The following BACH1 variants were observed in gnomAD, a reference collection of about 807,000 sequenced individuals.
BACH1 encodes the protein BTB domain and CNC homolog 1.
In BACH1, 35 loss-of-function variants were observed where a neutral mutation model predicts 52.9. The observed-to-expected ratio is 0.66, with a 90% CI of 0.51 to 0.88. The LOEUF (loss-of-function observed/expected upper bound fraction) is 0.88, where lower values mean the gene tolerates loss of function less well. Ranked by LOEUF, BACH1 falls within the 40% of genes least tolerant of loss-of-function variation. The probability of loss-of-function intolerance (pLI) is 0.00; values close to 1 mark genes in which losing one functional copy is unlikely to be tolerated. For synonymous variants in BACH1, 321 were observed against 319.6 expected (o/e 1.00, Z -0.05); for missense variants, 808 against 872.6 (o/e 0.93, Z 0.93).
intron 1 of BACH1, among the ~76,000 whole-genome samples, chr21:29,304,683 C>A (rs1249427279): frequency 6.6e-6 from 1 of 152,060 alleles, no homozygotes; most frequent in African/African-American, 2.4e-5. Context: ...GTTATCTCTT[C>A]TTTTTATTGA....
Position 29,321,238 on chromosome 21 carries a change from G to T in BACH1, c.-43G>T. On this transcript the variant is annotated 5_prime_UTR_variant, in exon 2 of 5. Transcript: ENST00000286800. ...GTTTGCAGGTTGATGATAATTAGAA[G>T]CATGCTTTCCACTGAACTTCCCGAC... 1 of 1,493,174 alleles carries T rather than the reference G, an allele frequency of 6.7e-7. No homozygotes were observed. The highest frequency in any genetic ancestry group is 9.3e-7 in the Non-Finnish European group (1 of 1,071,560). 92.5% of individuals were successfully genotyped at this position (1,493,174 alleles called of 1,614,324 possible).
intron 4 of BACH1, 63 bp downstream of exon 4, chr21:29,329,756 A>C (rs1039526227): frequency 1.6e-6 from 2 of 1,262,036 alleles, no homozygotes; most frequent in Non-Finnish European, 1.1e-6. Context: ...TCAAGGAAAT[A>C]GTTTTTAAAT....
At chr21:29,303,351 G>T (rs1421013808) in intron 1 of BACH1, among the ~76,000 whole-genome samples, 1 of 152,180 alleles carries the variant, frequency 6.6e-6, no homozygotes, top group Non-Finnish European at 1.5e-5. Context: ...GTGAGAATCT[G>T]TGTCTTTCTG....
intron 1 of BACH1, among the ~76,000 whole-genome samples, chr21:29,320,637 AC>A (rs1569012209): frequency 6.6e-6 from 1 of 152,212 alleles, no homozygotes; most frequent in Non-Finnish European, 1.5e-5. Context: ...CTGGCTTGAC[AC>A]ATTTCAGTCA....
chr21:29,347,945 T>C (rs563417826), downstream of BACH1, among the ~76,000 whole-genome samples: 1 of 152,266 alleles, frequency 6.6e-6, no homozygotes, highest in East Asian at 1.9e-4. Context: ...TATCCAAATT[T>C]GAATGGAAGT....
rs1348581134 is a variant in BACH1, at chr21:29,344,138, CAAATG to C, written c.*1309_*1313del. ...GCTGGGGTTAGATGTGTTTGAGAGT[CAAATG>C]AAAGCTATGGATCTTCTCAGCAATT... On this transcript the variant is annotated 3_prime_UTR_variant, in exon 5 of 5. Coordinates refer to ENST00000286800, the MANE Select transcript of BACH1 (RefSeq NM_001186.4). The C allele has an allele frequency of 1.3e-5, 2 of 152,268 alleles. No homozygotes were observed. The highest frequency in any genetic ancestry group is 4.8e-5 in the African/African-American group (2 of 41,558). 9.4% of individuals were successfully genotyped at this position (152,268 alleles called of 1,614,324 possible).
At position 29,356,740 on chromosome 21, in the gene BACH1, A is replaced by G. The variant is rs1315577643; in HGVS notation, c.472+27047A>G. ...TTGTTTACACTGACAACAAGGTGAT[A>G]TTGGAGTGTTACAGGGTTACAGAGA... On this transcript the variant is annotated intron_variant, in intron 2 of 4. Coordinates refer to the BACH1 transcript ENST00000422809. 3.9e-5 allele frequency among the ~76,000 whole-genome samples: 6 copies of G among 152,388 alleles called. No homozygotes were observed. The East Asian group carries it at 1.2e-3, about 29-fold the overall frequency.
At chr21:29,347,458 T>G (rs2089176253), downstream of BACH1, among the ~76,000 whole-genome samples, 1 of 152,214 alleles carries the variant, frequency 6.6e-6, no homozygotes, top group Non-Finnish European at 1.5e-5. Context: ...AAAGTGGAAG[T>G]ACAAAGGCCA....
In BACH1 at chr21:29,327,077, C is replaced by A; in HGVS notation, c.1253C>A (p.Pro418His). Residue 418 changes from proline to histidine, a missense_variant, in exon 3 of 5, where the codon CCT becomes CAT. Physicochemically the swap from Pro to His is moderately conservative, Grantham distance 77. Transcript: ENST00000286800. ...ACTCCTTGCCAAATGCAGTTATCAC[C>A]TGCTGTGGCCAAAGATGGCTCAGAA... ...TDTPCQMQLS[P>H]AVAKDGSEQI... The A allele has an allele frequency of 6.2e-7, 1 of 1,614,224 alleles. No homozygotes were observed. The highest frequency in any genetic ancestry group is 8.5e-7 in the Non-Finnish European group (1 of 1,180,042).
chr21:29,336,061 C>T (rs995016575), intron 4 of BACH1, among the ~76,000 whole-genome samples: 1 of 152,132 alleles, frequency 6.6e-6, no homozygotes, highest in African/African-American at 2.4e-5. Context: ...CTCTGATTTT[C>T]CCATCTTTCA....
Position 29,326,350 on chromosome 21 carries a change from A to G in BACH1, c.526A>G (p.Asn176Asp), listed in dbSNP as rs1324629505. 1.2e-6 allele frequency: 2 copies of G among 1,614,206 alleles called. No individual in the cohort carries two copies. Among genetic ancestry groups the G allele is most frequent in the Non-Finnish European group, 1.7e-6 (2 of 1,180,030 alleles). ...ETDEVEEFLE[N>D]KNVQTPQCKL... ...TGATGAAGTGGAGGAATTTCTGGAAAATAAAAATGTTCAGACTCCTCAGTG... is the reference window on the plus strand; with the variant it reads ...TGATGAAGTGGAGGAATTTCTGGAAGATAAAAATGTTCAGACTCCTCAGTG... Residue 176 changes from asparagine to aspartate, a missense_variant, in exon 3 of 5, where the codon AAT becomes GAT. Transcript: ENST00000286800.
At chr21:29,304,284 G>T (rs761291082) in intron 1 of BACH1, among the ~76,000 whole-genome samples, 57 of 151,928 alleles carry the variant, frequency 3.8e-4, no homozygotes, top group Non-Finnish European at 7.4e-4. Context: ...CCCCCACCAT[G>T]CCCAGCTAAT....
chr21:29,329,779 T>G, intron 4 of BACH1, 86 bp downstream of exon 4: 1 of 1,018,858 alleles, frequency 9.8e-7, no homozygotes, highest in South Asian at 2.3e-5. Context: ...CTAGGTCAGA[T>G]ATAATGCTCA....
At chr21:29,353,321 C>T (rs886226269) in intron 2 of BACH1, among the ~76,000 whole-genome samples, 4 of 152,134 alleles carry the variant, frequency 2.6e-5, no homozygotes, top group African/African-American at 4.8e-5. Context: ...TCAAATGAAA[C>T]AATGTATGGA....
At position 29,326,368 on chromosome 21, in the gene BACH1, C is replaced by T. The variant is rs914848850; in HGVS notation, c.544C>T (p.Pro182Ser). ...TCTGGAAAATAAAAATGTTCAGACT[C>T]CTCAGTGTAAACTCCGCAGGTATCA... is the stretch of plus-strand genomic sequence containing the variant. The part of the protein sequence containing the change: ...EFLENKNVQT[P>S]QCKLRRYQGN... Residue 182 changes from proline to serine, a missense_variant, in exon 3 of 5, where the codon CCT becomes TCT. Coordinates refer to ENST00000286800, the MANE Select transcript of BACH1 (RefSeq NM_001186.4). The T allele has an allele frequency of 1.2e-6, 2 of 1,614,040 alleles. No homozygotes were observed. The highest frequency in any genetic ancestry group is 1.3e-5 in the African/African-American group (1 of 74,926).
chr21:29,329,153 C>G (rs890995018), intron 3 of BACH1, among the ~76,000 whole-genome samples: 6 of 152,080 alleles, frequency 3.9e-5, no homozygotes, highest in Non-Finnish European at 7.4e-5. Flanking sequence ...ACAAAAAATA[C>G]AAAAATTAGC....
chr21:29,311,177 G>A (rs548917524), intron 1 of BACH1, among the ~76,000 whole-genome samples: 6 of 152,136 alleles, frequency 3.9e-5, no homozygotes, highest in South Asian at 2.1e-4. Context: ...GTGTAACATC[G>A]TACCCAAACA....
intron 4 of BACH1, among the ~76,000 whole-genome samples, chr21:29,339,861 C>T (rs1343548296): frequency 6.6e-6 from 1 of 152,132 alleles, no homozygotes; most frequent in Non-Finnish European, 1.5e-5. Context: ...GTCTCGAACT[C>T]CTGACCTCAC....
downstream of BACH1, among the ~76,000 whole-genome samples, chr21:29,347,390 C>G (rs1046574807): frequency 6.6e-6 from 1 of 152,136 alleles, no homozygotes; most frequent in African/African-American, 2.4e-5. Context: ...GACTTAATGA[C>G]GCTAAAAATT....
Sources: allele counts gnomAD v4.1 joint callset (sites outside exome capture counted in the v4.1 genomes callset), GRCh38; gene constraint gnomAD v4.1.1; transcripts MANE v1.5; gene names NCBI Gene and HGNC (gene_info 2026-07-23, HGNC 2026-07-21).